Variants in SDK1 observed in about 807,000 individuals in gnomAD.
The protein encoded by SDK1 is protein sidekick-1.
Under a neutral mutation model 245.5 loss-of-function variants are expected in SDK1, and 157 were observed. That is an observed-to-expected ratio of 0.64 (90% CI 0.56 to 0.73). The LOEUF is 0.73. SDK1 is among the 30% of genes least tolerant of loss of function. The probability of loss-of-function intolerance (pLI) is 0.00; values close to 1 mark genes in which losing one functional copy is unlikely to be tolerated. For missense variants in SDK1, 3,583 were observed against 3,002.3 expected, an observed-to-expected ratio of 1.19 and a Z score of -4.52; for synonymous variants, 1,647 against 1,278.5, an observed-to-expected ratio of 1.29 and a Z score of -6.15.
chr7:3,355,758 C>T (rs1384447811), intron 1 of SDK1, among the ~76,000 whole-genome samples: 1 of 152,220 alleles, frequency 6.6e-6, no homozygotes, highest in Non-Finnish European at 1.5e-5. Context: ...CTAAACTCAT[C>T]TATTAGTCCC....
intron 44 of SDK1, 150 bp downstream of exon 44, chr7:4,245,955 G>C: frequency 1.0e-6 from 1 of 965,124 alleles, no homozygotes; most frequent in South Asian, 1.6e-5. Flanking sequence ...ATGCAGATGA[G>C]AAAAGAGCCG....
At chr7:4,178,942 G>C (rs1344162332) in intron 35 of SDK1, among the ~76,000 whole-genome samples, 1 of 152,244 alleles carries the variant, frequency 6.6e-6, no homozygotes, top group Non-Finnish European at 1.5e-5. Flanking sequence ...GCAGATGTTT[G>C]TATCTGCATG....
In SDK1 at chr7:4,145,812, C is replaced by G; in HGVS notation, c.4319C>G (p.Thr1440Ser). The G allele has an allele frequency of 6.2e-7, 1 of 1,613,900 alleles. No individual in the cohort carries two copies. Among genetic ancestry groups the G allele is most frequent in the Non-Finnish European group, 8.5e-7 (1 of 1,179,958 alleles). The change falls in exon 29 of 45, where the codon ACC becomes AGC. Residue 1440 changes from threonine to serine, a missense_variant. By Grantham distance (58) the Thr-to-Ser change is moderately conservative. Coordinates refer to ENST00000404826, the MANE Select transcript of SDK1 (RefSeq NM_152744.4). ...VGATVRQFTA[T>S]DLAPESAYIF... ...GCCACAGTGAGGCAGTTCACAGCCA[C>G]CGACCTGGCCCCGGAGTCCGCATAC...
chr7:4,211,414 C>T (rs182651145), intron 38 of SDK1, among the ~76,000 whole-genome samples: 123 of 150,096 alleles, frequency 8.2e-4, no homozygotes, highest in African/African-American at 2.8e-3. Flanking sequence ...AGGAGAGCGG[C>T]GAGAAGGGGA....
chr7:3,601,022 T>C (rs1045123693), intron 1 of SDK1, among the ~76,000 whole-genome samples: 1 of 152,198 alleles, frequency 6.6e-6, no homozygotes, highest in Non-Finnish European at 1.5e-5. Flanking sequence ...GTAGATTCTT[T>C]CTTTTTTTGT....
At position 4,210,125 on chromosome 7, in the gene SDK1, C is replaced by G; in HGVS notation, c.5502C>G (p.Gly1834=). The change falls in exon 38 of 45, where the codon GGC becomes GGG. Residue 1834 remains glycine (G), a synonymous_variant. Transcript: ENST00000404826. The part of the protein sequence containing the change: ...EPAAANGILQ[G]YRVVYEPLAP... ...CGGCGGCCAACGGCATCCTGCAGGG[C>G]TATCGGGTGGTGTACGAGCCCTTGG... The G allele has an allele frequency of 6.2e-7, 1 of 1,606,182 alleles. No individual in the cohort carries two copies. Among genetic ancestry groups the G allele is most frequent in the Non-Finnish European group, 8.5e-7 (1 of 1,177,004 alleles).
At chr7:3,900,416 A>G (rs1285430957) in intron 5 of SDK1, among the ~76,000 whole-genome samples, 2 of 152,298 alleles carry the variant, frequency 1.3e-5, no homozygotes, top group African/African-American at 4.8e-5. Flanking sequence ...CAGGTTGGTT[A>G]TAATAACAAC....
intron 7 of SDK1, among the ~76,000 whole-genome samples, chr7:3,955,113 T>A (rs1781152843): frequency 6.6e-6 from 1 of 152,190 alleles, no homozygotes; most frequent in Non-Finnish European, 1.5e-5. Context: ...GCCCTGCTCC[T>A]GCTGAGCACG....
At chr7:3,817,195 T>C (rs1256282169) in intron 4 of SDK1, among the ~76,000 whole-genome samples, 4 of 152,184 alleles carry the variant, frequency 2.6e-5, no homozygotes, top group Non-Finnish European at 5.9e-5. Flanking sequence ...TTTTGGGAGC[T>C]CATCATGAAA....
intron 1 of SDK1, among the ~76,000 whole-genome samples, chr7:3,572,107 A>G (rs543146984): frequency 1.3e-5 from 2 of 152,240 alleles, no homozygotes; most frequent in East Asian, 1.9e-4. Context: ...AGAAATGACT[A>G]GTATATTTTA....
At chr7:3,991,988 G>A (rs569740887) in intron 14 of SDK1, among the ~76,000 whole-genome samples, 1 of 152,330 alleles carries the variant, frequency 6.6e-6, no homozygotes, top group East Asian at 1.9e-4. Context: ...ATTGCACTTG[G>A]CCTCCACTCA....
At chr7:3,940,455 C>T (rs1780316017) in intron 5 of SDK1, among the ~76,000 whole-genome samples, 1 of 152,196 alleles carries the variant, frequency 6.6e-6, no homozygotes, top group African/African-American at 2.4e-5. Flanking sequence ...TGGAAAAAGA[C>T]AATAGCTTCC....
At chr7:3,346,615 C>T (rs1225144140) in intron 1 of SDK1, among the ~76,000 whole-genome samples, 5 of 149,326 alleles carry the variant, frequency 3.3e-5, no homozygotes, top group Non-Finnish European at 5.9e-5. Context: ...CGTGCTCAGG[C>T]AGTCCTCCTA....
intron 5 of SDK1, among the ~76,000 whole-genome samples, chr7:3,836,311 G>T (rs1156376507): frequency 1.3e-5 from 2 of 152,178 alleles, no homozygotes; most frequent in East Asian, 3.8e-4. Context: ...TATAACTTAT[G>T]TATAAGTCAC....
chr7:3,939,321 G>A (rs1339101375), intron 5 of SDK1, among the ~76,000 whole-genome samples: 1 of 152,228 alleles, frequency 6.6e-6, no homozygotes, highest in Non-Finnish European at 1.5e-5. Flanking sequence ...GCTCTTAAAA[G>A]AATAGAAAAT....
chr7:3,913,784 TA>T (rs578240183), intron 5 of SDK1, among the ~76,000 whole-genome samples: 33 of 152,260 alleles, frequency 2.2e-4, no homozygotes, highest in African/African-American at 7.2e-4. Context: ...TATTTTGGGG[TA>T]GACAGATGCT....
intron 1 of SDK1, among the ~76,000 whole-genome samples, chr7:3,564,354 T>C (rs900487971): frequency 6.6e-6 from 1 of 151,968 alleles, no homozygotes; most frequent in East Asian, 1.9e-4. Context: ...TACAGGACAA[T>C]GCTGGCACCT....
intron 19 of SDK1, among the ~76,000 whole-genome samples, chr7:4,065,261 T>C (rs1779799662): frequency 6.6e-6 from 1 of 152,190 alleles, no homozygotes; most frequent in Admixed American, 6.5e-5. Flanking sequence ...CCTCCTTTTC[T>C]CTTTAGCTGA....
intron 1 of SDK1, among the ~76,000 whole-genome samples, chr7:3,405,808 TTC>T (rs1251734650): frequency 6.8e-6 from 1 of 146,642 alleles, no homozygotes; most frequent in Non-Finnish European, 1.5e-5. Flanking sequence ...TTTCTTTTCT[TTC>T]TTTCTTTTTT....
Sources: allele counts gnomAD v4.1 joint callset (sites outside exome capture counted in the v4.1 genomes callset), GRCh38; gene constraint gnomAD v4.1.1; transcripts MANE v1.5; gene names NCBI Gene and HGNC (gene_info 2026-07-23, HGNC 2026-07-21).